Variants in MBTPS2 observed in about 807,000 individuals in gnomAD.
MBTPS2 encodes membrane bound transcription factor peptidase, site 2, also known as membrane-bound transcription factor site-2 protease.
In MBTPS2, 2 loss-of-function variants were observed where a neutral mutation model predicts 35.4. That is an observed-to-expected ratio of 0.06 (90% CI 0.02 to 0.18). MBTPS2 has a LOEUF of 0.18. Among genes scored for constraint, MBTPS2 ranks in the 10% least tolerant of loss-of-function variants. The probability of loss-of-function intolerance (pLI) is 1.00; values close to 1 mark genes in which losing one functional copy is unlikely to be tolerated. For missense variants in MBTPS2, 244 were observed against 386.5 expected (o/e 0.63, Z 3.09); for synonymous variants, 125 against 140.4 (o/e 0.89, Z 0.77).
At chrX:21,853,712 A>T (rs189807629) in intron 5 of MBTPS2, among the ~76,000 whole-genome samples, 128 of 112,096 alleles carry the variant, frequency 1.1e-3, no homozygotes, top group Non-Finnish European at 2.0e-3. Context: ...ACATAATTTT[A>T]AAAAATTTAA....
At chrX:21,879,949 C>CTTCTT (rs2092957272) in intron 9 of MBTPS2, among the ~76,000 whole-genome samples, 15 of 47,376 alleles carry the variant, frequency 3.2e-4, no homozygotes, top group East Asian at 7.2e-4. Context: ...TTATGTTATT[C>CTTCTT]TTTTTTTTTT....
At chrX:21,857,210 G>T (rs753286973) in intron 5 of MBTPS2, 5 of 1,211,814 alleles carry the variant, frequency 4.1e-6, no homozygotes, top group Non-Finnish European at 4.5e-6. Context: ...CTAAAGTGAA[G>T]CCCAAAAGGT....
At chrX:21,856,796 G>A in intron 5 of MBTPS2, 1 of 1,211,888 alleles carries the variant, frequency 8.3e-7, no homozygotes, top group Non-Finnish European at 1.1e-6. Context: ...TGGAGGACCA[G>A]TTGGCCCTCC....
rs2092963079 is a variant in MBTPS2, at chrX:21,884,937, G to A, written c.*2282G>A. On this transcript the variant is annotated 3_prime_UTR_variant, in exon 11 of 11. Transcript: ENST00000379484. ...ATCATCTTCATGGAAAGAATCCACT[G>A]TGGTTTCTGTAGAGTGATTGGAAAA... The A allele has an allele frequency of 1.3e-6, 1 of 752,027 alleles. No homozygotes were observed. The highest frequency in any genetic ancestry group is 8.8e-5 in the Admixed American group (1 of 11,343). 62.0% of individuals were successfully genotyped at this position (752,027 alleles called of 1,213,427 possible). A position where few individuals can be genotyped will look rare whatever the true frequency, so the allele number is the denominator to read the frequency against.
At chrX:21,882,006 C>T (rs1602155632) in intron 10 of MBTPS2, among the ~76,000 whole-genome samples, 1 of 112,145 alleles carries the variant, frequency 8.9e-6, no homozygotes, top group East Asian at 2.8e-4. Flanking sequence ...TATGCTATAA[C>T]CTTACAGAGG....
chrX:21,841,465 C>T (rs1397020803), intron 1 of MBTPS2, among the ~76,000 whole-genome samples: 1 of 110,508 alleles, frequency 9.0e-6, no homozygotes, highest in Non-Finnish European at 1.9e-5. Flanking sequence ...TAGTGGTTAA[C>T]GTGTCATAAG....
chrX:21,885,133 GA>G lies in MBTPS2; in HGVS notation c.*2482del, dbSNP rs1159677121. 8.0e-6 allele frequency: 6 copies of G among 750,346 alleles called. No individual in the cohort carries two copies. Among genetic ancestry groups the G allele is most frequent in the Admixed American group, 8.8e-5 (1 of 11,343 alleles). The allele number at this position is 750,346 out of a possible 1,213,427, so 61.8% of individuals were successfully genotyped here. A position where few individuals can be genotyped will look rare whatever the true frequency, so the allele number is the denominator to read the frequency against. On this transcript the variant is annotated 3_prime_UTR_variant, in exon 11 of 11. Coordinates refer to ENST00000379484, the MANE Select transcript of MBTPS2 (RefSeq NM_015884.4). ...TATATTCTTTTCAGCATCTCAGTTT[GA>G]AAAGACATGCAGTTAAACTTGACCT... is the stretch of plus-strand genomic sequence containing the variant.
intron 7 of MBTPS2, chrX:21,870,734 G>C (rs2092946327): frequency 8.9e-6 from 1 of 112,237 alleles, no homozygotes; most frequent in African/African-American, 3.2e-5. Flanking sequence ...TGTGAAGTCA[G>C]ATATGTTGCT....
chrX:21,861,556 C>G (rs1249675850), intron 5 of MBTPS2, among the ~76,000 whole-genome samples: 2 of 110,013 alleles, frequency 1.8e-5, no homozygotes, highest in African/African-American at 6.6e-5. Flanking sequence ...AATTTAAAAG[C>G]AAATAGGGTG....
intron 7 of MBTPS2, chrX:21,871,224 G>A (rs1323986620): frequency 8.9e-6 from 1 of 112,473 alleles, no homozygotes; most frequent in Admixed American, 9.5e-5. Flanking sequence ...TCTGTTTAAA[G>A]TAAATCAGTA....
Position 21,843,190 on chromosome X carries a change from T to C in MBTPS2, c.96T>C (p.His32=). 8.3e-7 allele frequency: 1 copy of C among 1,210,546 alleles called. No homozygotes were observed. Among genetic ancestry groups the C allele is most frequent in the African/African-American group, 1.7e-5 (1 of 57,895 alleles). ...LVLKSSVYFK[H]SYEDWLENNG... is the part of the protein sequence containing the mutation. ...CTTAGTCATCTGTCTATTTTAAACA[T>C]TCTTATGAAGACTGGCTGGAAAACA... Residue 32 remains histidine (H), a synonymous_variant, in exon 2 of 11, where the codon CAT becomes CAC. Transcript: ENST00000379484.
chrX:21,879,804 T>C (rs1465821000), intron 9 of MBTPS2, among the ~76,000 whole-genome samples: 1 of 110,718 alleles, frequency 9.0e-6, no homozygotes, highest in African/African-American at 3.3e-5. Context: ...TTCTTTGATG[T>C]AGCTTAATGT....
chrX:21,881,861 G>A (rs1477779315), intron 10 of MBTPS2, among the ~76,000 whole-genome samples: 6 of 111,062 alleles, frequency 5.4e-5, no homozygotes, highest in Admixed American at 9.6e-5. Context: ...GCTTGAACCC[G>A]GGAGGCAGAG....
In MBTPS2 at chrX:21,868,558, T is replaced by C. The variant is rs774727699; in HGVS notation, c.762T>C (p.Val254=). 1.7e-6 allele frequency: 2 copies of C among 1,204,120 alleles called. No individual in the cohort carries two copies. Among genetic ancestry groups the C allele is most frequent in the South Asian group, 3.5e-5 (2 of 56,845 alleles). Reference sequence around the variant, plus strand: ...TCTTGCCATTTTACTACACTGGAGTTGGGGTGCTCATCACTGAAGTTGCTG... The same window carrying C: ...TCTTGCCATTTTACTACACTGGAGTCGGGGTGCTCATCACTGAAGTTGCTG... ...VILLPFYYTG[V]GVLITEVAED... Residue 254 remains valine, a synonymous_variant, in exon 6 of 11, where the codon GTT becomes GTC. Transcript: ENST00000379484.
intron 3 of MBTPS2, among the ~76,000 whole-genome samples, chrX:21,846,469 C>T (rs937843869): frequency 5.3e-5 from 6 of 112,152 alleles, no homozygotes; most frequent in Non-Finnish European, 1.1e-4. Context: ...CTCGCGGGTT[C>T]GAGCGATTCT....
intron 1 of MBTPS2, among the ~76,000 whole-genome samples, chrX:21,840,150 A>G (rs2092901187): frequency 8.9e-6 from 1 of 112,724 alleles, no homozygotes; most frequent in African/African-American, 3.2e-5. Context: ...TGCTTAGTAA[A>G]GACAGTGCTT....
intron 6 of MBTPS2, 28 bp from the exon 7 acceptor site, chrX:21,869,470 T>C: frequency 3.5e-6 from 4 of 1,152,659 alleles, no homozygotes; most frequent in Non-Finnish European, 4.8e-6. Flanking sequence ...TCATGCATTA[T>C]CTGATTTGGT....
chrX:21,862,881 T>C (rs1366883394), intron 5 of MBTPS2, among the ~76,000 whole-genome samples: 2 of 85,097 alleles, frequency 2.4e-5, no homozygotes, highest in African/African-American at 8.5e-5. Context: ...TATATAAATA[T>C]ATATACACAT....
intron 5 of MBTPS2, among the ~76,000 whole-genome samples, chrX:21,859,949 T>C (rs1196046152): frequency 2.7e-5 from 3 of 110,273 alleles, no homozygotes; most frequent in African/African-American, 9.9e-5. Context: ...AAAAATTAGC[T>C]GAGTGTGGGG....
Sources: gnomAD v4.1 joint callset for allele counts (sites outside exome capture counted in the v4.1 genomes callset) on GRCh38, gnomAD v4.1.1 for gene constraint, MANE v1.5 for transcripts, NCBI Gene and HGNC (gene_info 2026-07-23, HGNC 2026-07-21) for gene names.